Variants in COL22A1 observed in about 807,000 individuals in gnomAD.
COL22A1 encodes collagen alpha-1(XXII) chain.
In COL22A1, 221 loss-of-function variants were observed where a neutral mutation model predicts 248.9. The observed-to-expected ratio is 0.89, with a 90% CI of 0.80 to 0.99. The LOEUF is 0.99. COL22A1 is among the 50% of genes least tolerant of loss of function. COL22A1 has a pLI of 0.00. For synonymous variants in COL22A1, 891 were observed against 793.4 expected, an observed-to-expected ratio of 1.12 and a Z score of -2.07; for missense variants, 2,240 against 2,179.0, an observed-to-expected ratio of 1.03 and a Z score of -0.56.
chr8:138,710,314 G>C (rs1828844980), intron 30 of COL22A1, among the ~76,000 whole-genome samples: 1 of 152,178 alleles, frequency 6.6e-6, no homozygotes, highest in African/African-American at 2.4e-5. Flanking sequence ...CATGGTCCCA[G>C]GGGACAGGTG....
intron 1 of COL22A1, among the ~76,000 whole-genome samples, chr8:138,887,176 C>A (rs181827542): frequency 4.6e-5 from 7 of 151,804 alleles, no homozygotes; most frequent in African/African-American, 1.7e-4. Context: ...ACTGTCCCCA[C>A]CTCTCCCCAC....
At chr8:138,781,853 G>A (rs1815042202) in intron 12 of COL22A1, among the ~76,000 whole-genome samples, 1 of 152,220 alleles carries the variant, frequency 6.6e-6, no homozygotes, top group African/African-American at 2.4e-5. Flanking sequence ...TCTCTGGGCT[G>A]TTTCCATCTA....
intron 4 of COL22A1, among the ~76,000 whole-genome samples, chr8:138,835,279 T>C (rs1304097913): frequency 6.6e-6 from 1 of 152,226 alleles, no homozygotes; most frequent in Non-Finnish European, 1.5e-5. Context: ...GAATTCATGA[T>C]ATAATTGTTA....
chr8:138,632,153 C>A (rs945219490), intron 49 of COL22A1, among the ~76,000 whole-genome samples: 4 of 152,068 alleles, frequency 2.6e-5, no homozygotes, highest in Non-Finnish European at 5.9e-5. Flanking sequence ...AGGGGAGGAG[C>A]AATGCGGCAA....
At chr8:138,728,744 G>A (rs1257357586) in intron 23 of COL22A1, among the ~76,000 whole-genome samples, 1 of 152,054 alleles carries the variant, frequency 6.6e-6, no homozygotes, top group Non-Finnish European at 1.5e-5. Flanking sequence ...AGGTCACACA[G>A]CCATCATCTC....
At chr8:138,690,710 A>C in intron 36 of COL22A1, 111 bp downstream of exon 36, 1 of 788,176 alleles carries the variant, frequency 1.3e-6, no homozygotes, top group Non-Finnish European at 1.9e-6. Flanking sequence ...GGAAAATGGG[A>C]GTAAGGATCC....
chr8:138,598,963 A>ATGGGGT, intron 60 of COL22A1, 65 bp from the exon 61 acceptor site: 1 of 1,530,558 alleles, frequency 6.5e-7, no homozygotes, highest in Non-Finnish European at 9.0e-7. Context: ...ATGCAGCTGC[A>ATGGGGT]AAAGGGGTTC....
chr8:138,876,603 G>A (rs1554651625), intron 3 of COL22A1, among the ~76,000 whole-genome samples: 1 of 152,194 alleles, frequency 6.6e-6, no homozygotes, highest in Non-Finnish European at 1.5e-5. Flanking sequence ...AAGCAGCCTA[G>A]AGCCACCCCA....
intron 39 of COL22A1, among the ~76,000 whole-genome samples, chr8:138,680,498 G>A (rs1476584797): frequency 1.3e-5 from 2 of 152,160 alleles, no homozygotes; most frequent in Non-Finnish European, 2.9e-5. Context: ...AGAAGTACTG[G>A]CATCTTCAAG....
At chr8:138,847,015 T>C (rs1324162444) in intron 3 of COL22A1, among the ~76,000 whole-genome samples, 1 of 152,186 alleles carries the variant, frequency 6.6e-6, no homozygotes, top group Non-Finnish European at 1.5e-5. Context: ...TGCTCAGCCT[T>C]GAACAACCCC....
At position 138,771,429 on chromosome 8, in the gene COL22A1, C is replaced by G. The variant is rs549084694; in HGVS notation, c.1803+4537G>C. 2.0e-5 allele frequency among the ~76,000 whole-genome samples: 3 copies of G among 152,346 alleles called. No homozygotes were observed. In the East Asian group the frequency reaches 5.8e-4, roughly 29 times the overall value. On this transcript the variant is annotated intron_variant, in intron 16 of 64. Transcript: ENST00000303045. ...CATCAGGAAACACATGGCCTCTGCG[C>G]TCAGTTTCCCCCGCTTCACAATCAG...
At chr8:138,594,850 C>T (rs568617334) in intron 62 of COL22A1, among the ~76,000 whole-genome samples, 5 of 152,168 alleles carry the variant, frequency 3.3e-5, no homozygotes, top group East Asian at 1.9e-4. Context: ...TTTTCCTCTC[C>T]GATGTCAAAG....
chr8:138,703,797 C>T (rs1828169876), intron 30 of COL22A1, among the ~76,000 whole-genome samples: 1 of 152,058 alleles, frequency 6.6e-6, no homozygotes, highest in African/African-American at 2.4e-5. Context: ...GTGTGCAGCC[C>T]ACGGAGTGTG....
At position 138,722,192 on chromosome 8, in the gene COL22A1, A is replaced by G. The variant is rs1829920124; in HGVS notation, c.2248-103T>C. 2.7e-5 allele frequency: 26 copies of G among 964,594 alleles called. No homozygotes were observed. The South Asian group carries it at 4.2e-4, about 15-fold the overall frequency. 59.8% of individuals were successfully genotyped at this position (964,594 alleles called of 1,614,324 possible). A position where few individuals can be genotyped will look rare whatever the true frequency, so the allele number is the denominator to read the frequency against. On this transcript the variant is annotated intron_variant, in intron 25 of 64. Transcript: ENST00000303045. ...GGAGCTGTTTTTGCAGCCAGAATGC[A>G]GGAGGCTCGGGCGTCTGCTCTTTGA... is the stretch of plus-strand genomic sequence containing the variant.
At chr8:138,719,905 G>C (rs1282739035) in intron 27 of COL22A1, among the ~76,000 whole-genome samples, 3 of 152,200 alleles carry the variant, frequency 2.0e-5, no homozygotes, top group Non-Finnish European at 4.4e-5. Flanking sequence ...CCTGTGGGTG[G>C]AGGGCGGGAG....
At chr8:138,593,802 C>G (rs922134796) in intron 63 of COL22A1, among the ~76,000 whole-genome samples, 2 of 152,214 alleles carry the variant, frequency 1.3e-5, no homozygotes, top group Non-Finnish European at 2.9e-5. Context: ...GGAACTGATT[C>G]AATCTTCCTA....
At chr8:138,797,075 T>C (rs1472711990) in intron 11 of COL22A1, among the ~76,000 whole-genome samples, 1 of 152,242 alleles carries the variant, frequency 6.6e-6, no homozygotes, top group Non-Finnish European at 1.5e-5. Flanking sequence ...TTATAGTTAC[T>C]ATTCTTTGTT....
chr8:138,636,650 A>T, intron 48 of COL22A1, 92 bp downstream of exon 48: 3 of 916,372 alleles, frequency 3.3e-6, no homozygotes, highest in Non-Finnish European at 5.2e-6. Flanking sequence ...GGCAAAGAAG[A>T]GACAAGGAAT....
intron 3 of COL22A1, among the ~76,000 whole-genome samples, chr8:138,866,506 C>G (rs148849150): frequency 6.6e-4 from 101 of 152,316 alleles, no homozygotes; most frequent in Non-Finnish European, 1.3e-3. Context: ...ATTGTCGCCA[C>G]TCTATATTTC....
Sources: allele counts gnomAD v4.1 joint callset (sites outside exome capture counted in the v4.1 genomes callset), GRCh38; gene constraint gnomAD v4.1.1; transcripts MANE v1.5; gene names NCBI Gene and HGNC (gene_info 2026-07-23, HGNC 2026-07-21).